CSMD1: variants seen among roughly 807,000 people sequenced by gnomAD.
The protein encoded by CSMD1 is CUB and sushi domain-containing protein 1.
In CSMD1, 213 loss-of-function variants were observed where a neutral mutation model predicts 417.5. That is an observed-to-expected ratio of 0.51 (90% CI 0.46 to 0.57). The LOEUF is 0.57. Among genes scored for constraint, CSMD1 ranks in the 20% least tolerant of loss-of-function variants. The pLI is 0.00. For missense variants in CSMD1, 6,923 were observed against 4,529.7 expected (o/e 1.53, Z -15.17); for synonymous variants, 2,862 against 1,736.8 (o/e 1.65, Z -16.11).
intron 47 of CSMD1, among the ~76,000 whole-genome samples, chr8:3,094,976 A>C (rs1311486057): frequency 1.3e-5 from 2 of 152,190 alleles, no homozygotes; most frequent in African/African-American, 2.4e-5. Context: ...GATAATTTTG[A>C]CAGCAAGTAT....
intron 16 of CSMD1, among the ~76,000 whole-genome samples, chr8:3,398,844 T>C (rs1466112795): frequency 6.6e-6 from 1 of 152,200 alleles, no homozygotes; most frequent in African/African-American, 2.4e-5. Flanking sequence ...AGCATGCTTA[T>C]TTTTTAGATC....
At chr8:4,866,703 C>G (rs373378057) in intron 1 of CSMD1, among the ~76,000 whole-genome samples, 10 of 151,836 alleles carry the variant, frequency 6.6e-5, no homozygotes, top group African/African-American at 2.4e-4. Flanking sequence ...AAATAAGATA[C>G]TAATTTAACA....
At chr8:4,082,178 A>G (rs1800173529) in intron 3 of CSMD1, among the ~76,000 whole-genome samples, 1 of 152,188 alleles carries the variant, frequency 6.6e-6, no homozygotes, top group Non-Finnish European at 1.5e-5. Context: ...TAAAGAGCGT[A>G]CAAGATATAC....
At chr8:4,816,254 G>C (rs1396067543) in intron 1 of CSMD1, among the ~76,000 whole-genome samples, 3 of 151,772 alleles carry the variant, frequency 2.0e-5, no homozygotes, top group African/African-American at 7.3e-5. Context: ...GTGCAATCTT[G>C]GCTCACTGCA....
At chr8:2,960,011 A>G (rs1803320920) in intron 62 of CSMD1, among the ~76,000 whole-genome samples, 1 of 152,236 alleles carries the variant, frequency 6.6e-6, no homozygotes, top group African/African-American at 2.4e-5. Flanking sequence ...GATAGGTTAT[A>G]GAACTATGTT....
At chr8:3,771,846 T>C (rs906919893) in intron 5 of CSMD1, among the ~76,000 whole-genome samples, 3 of 152,162 alleles carry the variant, frequency 2.0e-5, no homozygotes, top group Non-Finnish European at 4.4e-5. Context: ...TTCTCACTCC[T>C]TGTCCTTGCT....
At chr8:4,731,646 G>A (rs293884) in intron 1 of CSMD1, among the ~76,000 whole-genome samples, 68,627 of 151,968 alleles carry the variant, frequency 0.45, 16,008 homozygotes, top group African/African-American at 0.55. Flanking sequence ...AGGTGGGAAT[G>A]CACACTTTGC....
At chr8:4,222,958 A>T (rs1327441927) in intron 3 of CSMD1, among the ~76,000 whole-genome samples, 1 of 152,334 alleles carries the variant, frequency 6.6e-6, no homozygotes, top group Admixed American at 6.5e-5. Flanking sequence ...TTAAAAAAAA[A>T]ATAATTTGGG....
chr8:4,825,525 A>C (rs564379003), intron 1 of CSMD1, among the ~76,000 whole-genome samples: 11 of 152,124 alleles, frequency 7.2e-5, no homozygotes, highest in African/African-American at 2.2e-4. Flanking sequence ...CCCCTGGTAA[A>C]CACAATTCTA....
In CSMD1 at chr8:3,307,678, CA is replaced by C. The variant is rs758668177; in HGVS notation, c.3950+16del. On this transcript the variant is annotated intron_variant, in intron 25 of 69. Transcript: ENST00000635120. ...ATCTCTTTTCTCAAATCACTGAAAC[CA>C]AAATAAAACAAGTACCTAATGGTCT... is the stretch of plus-strand genomic sequence containing the variant. 3 of 1,610,104 alleles carry C rather than the reference CA, an allele frequency of 1.9e-6. No individual in the cohort carries two copies. In the Admixed American group the frequency reaches 5.0e-5, roughly 27 times the overall value.
At chr8:4,684,429 T>C (rs1806239117) in intron 1 of CSMD1, among the ~76,000 whole-genome samples, 1 of 152,220 alleles carries the variant, frequency 6.6e-6, no homozygotes, top group Admixed American at 6.5e-5. Context: ...CGCATCTTGC[T>C]TTTTGAAATG....
At chr8:4,103,927 G>C (rs1340926938) in intron 3 of CSMD1, among the ~76,000 whole-genome samples, 1 of 152,290 alleles carries the variant, frequency 6.6e-6, no homozygotes, top group South Asian at 2.1e-4. Context: ...CTTTGTGCCT[G>C]TGTTGCAACA....
chr8:3,939,166 G>C (rs1180327071), intron 5 of CSMD1, among the ~76,000 whole-genome samples: 1 of 151,976 alleles, frequency 6.6e-6, no homozygotes, highest in African/African-American at 2.4e-5. Context: ...ATCTAACATA[G>C]TTTCTGAGTG....
In CSMD1 at chr8:4,926,634, T is replaced by C. The variant is rs77488036; in HGVS notation, c.85+67698A>G. Among the ~76,000 whole-genome samples the C allele has an allele frequency of 8.1e-3, 1,236 of 152,310 alleles. 14 individuals are homozygous for C. Among genetic ancestry groups the C allele is most frequent in the African/African-American group, 0.028 (1,154 of 41,576 alleles). ...AAAAGCATGTATATAGTTCCTTAAT[T>C]CTTGATTTCCTTGCAAAAAAATATG... On this transcript the variant is annotated intron_variant, in intron 1 of 69. Transcript: ENST00000635120.
chr8:3,684,396 G>C (rs550319846), intron 7 of CSMD1, among the ~76,000 whole-genome samples: 67 of 147,180 alleles, frequency 4.6e-4, no homozygotes, highest in Non-Finnish European at 7.6e-4. Context: ...TAACATATAA[G>C]TACATATATA....
At chr8:3,401,249 A>G (rs1034436508) in intron 15 of CSMD1, among the ~76,000 whole-genome samples, 20 of 152,140 alleles carry the variant, frequency 1.3e-4, no homozygotes, top group African/African-American at 4.8e-4. Context: ...TAAAATCTGC[A>G]TGATAAGTTA....
At chr8:3,152,490 CT>C (rs1217548142) in intron 39 of CSMD1, among the ~76,000 whole-genome samples, 3 of 152,172 alleles carry the variant, frequency 2.0e-5, no homozygotes, top group Non-Finnish European at 2.9e-5. Flanking sequence ...TAGAGGCCCC[CT>C]AGGACCTGTG....
intron 17 of CSMD1, among the ~76,000 whole-genome samples, chr8:3,390,751 G>C (rs1811300971): frequency 2.0e-5 from 3 of 151,752 alleles, no homozygotes; most frequent in Non-Finnish European, 2.9e-5. Flanking sequence ...AATAATCCGT[G>C]TGCAGCTCAT....
At chr8:4,029,656 G>A (rs1283781265) in intron 4 of CSMD1, among the ~76,000 whole-genome samples, 2 of 151,964 alleles carry the variant, frequency 1.3e-5, no homozygotes, top group African/African-American at 2.4e-5. Context: ...TTTCGCTCCT[G>A]GACCCACCCA....
Sources: allele counts gnomAD v4.1 joint callset (sites outside exome capture counted in the v4.1 genomes callset), GRCh38; gene constraint gnomAD v4.1.1; transcripts MANE v1.5; gene names NCBI Gene and HGNC (gene_info 2026-07-23, HGNC 2026-07-21).